The following MIPOL1 variants were observed in gnomAD, a reference collection of about 807,000 sequenced individuals.
MIPOL1 encodes the protein mirror-image polydactyly 1, also known as mirror-image polydactyly gene 1 protein.
In MIPOL1, 57 loss-of-function variants were observed where a neutral mutation model predicts 60.9. That is an observed-to-expected ratio of 0.94 (90% confidence interval 0.76 to 1.17). MIPOL1 has a LOEUF of 1.17. Ranked by LOEUF, MIPOL1 falls within the 50% of genes most tolerant of loss-of-function variation. MIPOL1 has a pLI of 0.00. For synonymous variants in MIPOL1, 179 were observed against 168.8 expected (o/e 1.06, Z -0.47); for missense variants, 551 against 511.6 (o/e 1.08, Z -0.74).
intron 1 of MIPOL1, among the ~76,000 whole-genome samples, chr14:37,217,087 C>G (rs1174049783): frequency 6.6e-6 from 1 of 152,110 alleles, no homozygotes; most frequent in Non-Finnish European, 1.5e-5. Flanking sequence ...ACAACTGATA[C>G]TGCAGAAATT....
chr14:37,494,120 G>A (rs1367839516), intron 11 of MIPOL1, among the ~76,000 whole-genome samples: 1 of 152,120 alleles, frequency 6.6e-6, no homozygotes, highest in Non-Finnish European at 1.5e-5. Context: ...TTGGAATATA[G>A]CTCTCCTGCT....
chr14:37,434,042 A>G (rs1038117711), intron 11 of MIPOL1, among the ~76,000 whole-genome samples: 1 of 152,210 alleles, frequency 6.6e-6, no homozygotes, highest in Non-Finnish European at 1.5e-5. Flanking sequence ...CTTTGGGTAT[A>G]TACCCAGTAA....
At chr14:37,332,069 C>T (rs763393215) in intron 9 of MIPOL1, among the ~76,000 whole-genome samples, 16 of 151,774 alleles carry the variant, frequency 1.1e-4, no homozygotes, top group African/African-American at 3.1e-4. Flanking sequence ...AACTGGGAGG[C>T]GGAGGTTGTA....
At chr14:37,306,378 A>G (rs981873744) in intron 7 of MIPOL1, among the ~76,000 whole-genome samples, 3 of 151,886 alleles carry the variant, frequency 2.0e-5, no homozygotes, top group African/African-American at 7.2e-5. Context: ...TTGGTAACTA[A>G]ATGTCTTTTG....
chr14:37,439,637 T>G (rs1388450563), intron 11 of MIPOL1, among the ~76,000 whole-genome samples: 1 of 152,132 alleles, frequency 6.6e-6, no homozygotes, highest in African/African-American at 2.4e-5. Context: ...ACGCATCACT[T>G]GCCCCTGAAA....
intron 9 of MIPOL1, among the ~76,000 whole-genome samples, chr14:37,367,277 G>A (rs952449184): frequency 3.9e-5 from 6 of 152,006 alleles, no homozygotes; most frequent in Admixed American, 3.9e-4. Flanking sequence ...TGGGGAATGT[G>A]TTAGGATTTT....
intron 10 of MIPOL1, among the ~76,000 whole-genome samples, chr14:37,415,909 T>C (rs1409464706): frequency 2.0e-5 from 3 of 152,152 alleles, no homozygotes; most frequent in African/African-American, 7.2e-5. Flanking sequence ...TTTTGCTGTG[T>C]CTATGTATAA....
At chr14:37,545,055 AT>A (rs2095542535) in intron 12 of MIPOL1, among the ~76,000 whole-genome samples, 1 of 152,230 alleles carries the variant, frequency 6.6e-6, no homozygotes, top group African/African-American at 2.4e-5. Context: ...TGACTTTTAT[AT>A]TGTGAAAAAG....
intron 6 of MIPOL1, among the ~76,000 whole-genome samples, chr14:37,275,849 T>A (rs2083619922): frequency 6.6e-6 from 1 of 151,174 alleles, no homozygotes; most frequent in Non-Finnish European, 1.5e-5. Context: ...CTGTGGAAGG[T>A]TGGAGCATGG....
rs370238755 is a variant in MIPOL1, at chr14:37,377,746, C to CTTT, written c.936+8138_936+8140dup. 5.5e-3 allele frequency among the ~76,000 whole-genome samples: 666 copies of CTTT among 120,942 alleles called. 11 individuals are homozygous for CTTT. The highest frequency in any genetic ancestry group is 0.015 in the Middle Eastern group (3 of 204). The allele number at this position is 120,942 out of a possible 152,430, so 79.3% of individuals were successfully genotyped here. ...GGTTATTTCTTTCCTATTTTTATGC[C>CTTT]TTTTTTTTTTTTTTTTTTAAGAGAC... On this transcript the variant is annotated intron_variant, in intron 10 of 12. Transcript: ENST00000684589.
chr14:37,335,440 C>T (rs1159774885), intron 9 of MIPOL1, among the ~76,000 whole-genome samples: 1 of 152,078 alleles, frequency 6.6e-6, no homozygotes, highest in Non-Finnish European at 1.5e-5. Context: ...AACTTCACCC[C>T]TGACATTTCA....
chr14:37,216,719 A>G (rs976199061), intron 1 of MIPOL1, among the ~76,000 whole-genome samples: 2 of 152,212 alleles, frequency 1.3e-5, no homozygotes, highest in Non-Finnish European at 2.9e-5. Context: ...AGAAAATTGA[A>G]AAATTTCTTG....
At chr14:37,239,267 G>A (rs944141725) in intron 1 of MIPOL1, among the ~76,000 whole-genome samples, 2 of 151,780 alleles carry the variant, frequency 1.3e-5, no homozygotes, top group East Asian at 1.9e-4. Context: ...GGATGGTCTC[G>A]ATCTCCTGAC....
At chr14:37,441,753 C>G (rs898413526) in intron 11 of MIPOL1, among the ~76,000 whole-genome samples, 2 of 152,004 alleles carry the variant, frequency 1.3e-5, no homozygotes, top group South Asian at 2.1e-4. Flanking sequence ...TTCATACTCT[C>G]TTTTGGTTTC....
At position 37,550,205 on chromosome 14, in the gene MIPOL1, T is replaced by C. The variant is rs2153645455; in HGVS notation, c.*3234T>C. On this transcript the variant is annotated 3_prime_UTR_variant, in exon 13 of 13. Transcript: ENST00000684589. ...CTTCTTATCAGGTTGCTTATTTATA[T>C]AATTTGTTTATTTTATTAAAAATCT... 1 of 151,196 alleles carries C rather than the reference T, an allele frequency of 6.6e-6. No homozygotes were observed. The highest frequency in any genetic ancestry group is 2.4e-5 in the African/African-American group (1 of 41,468). The allele number at this position is 151,196 out of a possible 1,614,324, so 9.4% of individuals were successfully genotyped here. A position where few individuals can be genotyped will look rare whatever the true frequency, so the allele number is the denominator to read the frequency against.
Position 37,348,008 on chromosome 14 carries a change from G to A in MIPOL1, c.829-21509G>A, listed in dbSNP as rs77857232. 3.1e-3 allele frequency among the ~76,000 whole-genome samples: 468 copies of A among 152,138 alleles called. 3 individuals are homozygous for A. Among genetic ancestry groups the A allele is most frequent in the African/African-American group, 9.5e-3 (393 of 41,522 alleles). On this transcript the variant is annotated intron_variant, in intron 9 of 12. Transcript: ENST00000684589. ...GGTTTGGGGTATAATTGATCCCATC[G>A]CCCAGTTAGGGAGCACAGTACCCAA...
At chr14:37,498,358 A>G (rs2095164800) in intron 11 of MIPOL1, among the ~76,000 whole-genome samples, 1 of 152,222 alleles carries the variant, frequency 6.6e-6, no homozygotes, top group South Asian at 2.1e-4. Flanking sequence ...AATATAAAGA[A>G]CATAAACAAG....
At chr14:37,342,276 G>T (rs2090625763) in intron 9 of MIPOL1, among the ~76,000 whole-genome samples, 1 of 151,980 alleles carries the variant, frequency 6.6e-6, no homozygotes. Context: ...AGAATCGCTT[G>T]AGCCTGGGAG....
At chr14:37,530,940 C>T (rs1428666033) in intron 12 of MIPOL1, among the ~76,000 whole-genome samples, 1 of 151,502 alleles carries the variant, frequency 6.6e-6, no homozygotes, top group African/African-American at 2.4e-5. Flanking sequence ...GCCTCAGCCC[C>T]CCGAGTAGCT....
Sources: allele counts gnomAD v4.1 joint callset (sites outside exome capture counted in the v4.1 genomes callset), GRCh38; gene constraint gnomAD v4.1.1; transcripts MANE v1.5; gene names NCBI Gene and HGNC (gene_info 2026-07-23, HGNC 2026-07-21).